The following PCNT variants were observed in gnomAD, a reference collection of about 807,000 sequenced individuals.
PCNT encodes pericentrin.
PCNT carries 319 observed loss-of-function variants against 380.4 expected under a neutral mutation model. That is an observed-to-expected ratio of 0.84 (90% CI 0.77 to 0.92). The LOEUF is 0.92. Ranked by LOEUF, PCNT falls within the 40% of genes least tolerant of loss-of-function variation. The pLI is 0.00. For missense variants in PCNT, 4,400 were observed against 4,255.3 expected, an observed-to-expected ratio of 1.03 and a Z score of -0.95; for synonymous variants, 1,845 against 1,735.2, an observed-to-expected ratio of 1.06 and a Z score of -1.57.
In PCNT at chr21:46,351,503, G is replaced by A; in HGVS notation, c.1419G>A (p.Gln473=). Reference sequence around the variant, plus strand: ...AAGAGATCAGGCGCTTGTGGTCCCAGCTTGATTCTGCCAGGACCAGTAGAC... The same window carrying A: ...AAGAGATCAGGCGCTTGTGGTCCCAACTTGATTCTGCCAGGACCAGTAGAC... ...SQEEIRRLWS[Q]LDSARTSRQE... Residue 473 remains glutamine (Q), a synonymous_variant, in exon 9 of 47, where the codon CAG becomes CAA. Coordinates refer to ENST00000359568, the MANE Select transcript of PCNT (RefSeq NM_006031.6). 1.2e-6 allele frequency: 2 copies of A among 1,612,090 alleles called. No individual in the cohort carries two copies. The highest frequency in any genetic ancestry group is 8.5e-7 in the Non-Finnish European group (1 of 1,178,084).
At chr21:46,333,944 T>G (rs371322928) in intron 2 of PCNT, among the ~76,000 whole-genome samples, 1 of 149,184 alleles carries the variant, frequency 6.7e-6, no homozygotes, top group East Asian at 2.0e-4. Context: ...TGGTGGCTCA[T>G]GCCTGTAATC....
intron 14 of PCNT, 66 bp from the exon 15 acceptor site, chr21:46,366,513 ACTTGG>A: frequency 7.8e-7 from 1 of 1,287,666 alleles, no homozygotes; most frequent in Non-Finnish European, 1.1e-6. Context: ...TGGGAAACTG[ACTTGG>A]CTTTTGCAAG....
chr21:46,349,345 G>T (rs995096929), intron 7 of PCNT, among the ~76,000 whole-genome samples, 159 bp downstream of exon 7: 13 of 152,214 alleles, frequency 8.5e-5, no homozygotes, highest in Non-Finnish European at 1.8e-4. Flanking sequence ...GGCCGTCATG[G>T]GTCACAGGTC....
chr21:46,407,854 CTT>C (rs1349086553), intron 27 of PCNT, among the ~76,000 whole-genome samples: 1 of 152,122 alleles, frequency 6.6e-6, no homozygotes, highest in African/African-American at 2.4e-5. Context: ...ACTTTTCTCT[CTT>C]TATTTCTTTG....
intron 15 of PCNT, among the ~76,000 whole-genome samples, chr21:46,370,949 G>T (rs2085102479): frequency 6.6e-6 from 1 of 152,152 alleles, no homozygotes; most frequent in African/African-American, 2.4e-5. Flanking sequence ...GCAGGAGAGT[G>T]GTGTGAACCC....
At chr21:46,349,639 A>T in intron 7 of PCNT, 45 bp from the exon 8 acceptor site, 1 of 1,600,512 alleles carries the variant, frequency 6.2e-7, no homozygotes, top group Non-Finnish European at 8.6e-7. Context: ...GCTGTTGAGG[A>T]GAGTGATGTC....
chr21:46,427,593 G>A (rs765111894), intron 33 of PCNT, 29 bp from the exon 34 acceptor site: 1 of 1,613,662 alleles, frequency 6.2e-7, no homozygotes, highest in Non-Finnish European at 8.5e-7. Context: ...CATTTGTGAG[G>A]ACGCCACGTT....
Position 46,411,818 on chromosome 21 carries a change from G to A in PCNT, c.5745G>A (p.Ala1915=), listed in dbSNP as rs1401062294. The change falls in exon 28 of 47, where the codon GCG becomes GCA. Residue 1915 remains alanine (A), a synonymous_variant. Transcript: ENST00000359568. ...AGCAGCCCCTGGCAGCCGGGGCGGCGCCTCCCGAGCTGCAGTGGCTCCGAG... is the reference window on the plus strand; with the variant it reads ...AGCAGCCCCTGGCAGCCGGGGCGGCACCTCCCGAGCTGCAGTGGCTCCGAG... ...LEQQPLAAGA[A]PPELQWLRAQ... 12 of 1,576,350 alleles carry A rather than the reference G, an allele frequency of 7.6e-6. No homozygotes were observed. Among genetic ancestry groups the A allele is most frequent in the Admixed American group, 1.8e-5 (1 of 55,854 alleles).
intron 21 of PCNT, among the ~76,000 whole-genome samples, chr21:46,393,145 GC>G (rs1425348426): frequency 6.6e-6 from 1 of 152,138 alleles, no homozygotes; most frequent in Non-Finnish European, 1.5e-5. Context: ...AAGCCCTGTT[GC>G]CCCCGCACTC....
chr21:46,325,014 TGGCGCCG>T (rs1419757602), intron 1 of PCNT: 1 of 985,146 alleles, frequency 1.0e-6, no homozygotes, highest in Non-Finnish European at 1.2e-6. Flanking sequence ...CACGCGGCGC[TGGCGCCG>T]GGCGCCTTCA....
rs1226839856 is a variant in PCNT, at chr21:46,431,538, G to A, written c.8074G>A (p.Ala2692Thr). ...TGTGTTTGCTGTCTAGGAGCTGCGGGCGTCTTTGGAGACACAGCGTGCTCA... is the reference window on the plus strand; with the variant it reads ...TGTGTTTGCTGTCTAGGAGCTGCGGACGTCTTTGGAGACACAGCGTGCTCA... ...QSAKALEELRASLETQRAQSS... is the reference protein window; with the variant it reads ...QSAKALEELRTSLETQRAQSS... Residue 2692 changes from alanine (A) to threonine (T), a missense_variant, in exon 38 of 47, where the codon GCG (alanine) becomes ACG (threonine). Transcript: ENST00000359568. 2 of 1,614,012 alleles carry A rather than the reference G, an allele frequency of 1.2e-6. No individual in the cohort carries two copies. The highest frequency in any genetic ancestry group is 1.7e-6 in the Non-Finnish European group (2 of 1,179,948).
chr21:46,377,987 C>T (rs1331795714), intron 15 of PCNT, among the ~76,000 whole-genome samples: 2 of 152,128 alleles, frequency 1.3e-5, no homozygotes, highest in Non-Finnish European at 2.9e-5. Context: ...TCGGTGTCCG[C>T]GGCTTTCACT....
chr21:46,436,708 G>A (rs2053465935), intron 39 of PCNT, among the ~76,000 whole-genome samples: 1 of 152,104 alleles, frequency 6.6e-6, no homozygotes, highest in Admixed American at 6.5e-5. Flanking sequence ...ATTCATTCCA[G>A]AGGAAAGCCA....
intron 8 of PCNT, among the ~76,000 whole-genome samples, chr21:46,350,262 A>G (rs899541590): frequency 2.0e-5 from 3 of 152,238 alleles, no homozygotes; most frequent in Admixed American, 6.5e-5. Context: ...AGTCTCTGAG[A>G]CTGATTTAAT....
intron 39 of PCNT, 75 bp downstream of exon 39, chr21:46,436,223 G>C: frequency 6.4e-7 from 1 of 1,563,058 alleles, no homozygotes; most frequent in South Asian, 1.1e-5. Context: ...CCCGAGGGCT[G>C]GGGCGCGTCT....
Position 46,324,176 on chromosome 21 carries a change from TG to T in PCNT, c.-52del. 22 of 1,488,048 alleles carry T rather than the reference TG, an allele frequency of 1.5e-5. No homozygotes were observed. The South Asian group carries it at 2.4e-4, about 17-fold the overall frequency. The allele number at this position is 1,488,048 out of a possible 1,614,324, so 92.2% of individuals were successfully genotyped here. On this transcript the variant is annotated 5_prime_UTR_variant, in exon 1 of 47. Transcript: ENST00000359568. Reference sequence around the variant, plus strand: ...GAGGGAGTGTAAATAGAGCGAAGGCTGCTCTGTGTCAGCCCCGTCACCGCCG... The same window carrying T: ...GAGGGAGTGTAAATAGAGCGAAGGCTCTCTGTGTCAGCCCCGTCACCGCCG...
At chr21:46,405,725 G>C (rs576530088) in intron 27 of PCNT, among the ~76,000 whole-genome samples, 2 of 152,128 alleles carry the variant, frequency 1.3e-5, no homozygotes, top group Non-Finnish European at 2.9e-5. Flanking sequence ...AAAAACCATT[G>C]ATTACTTTTC....
chr21:46,385,720 A>G (rs550509683), intron 16 of PCNT, 112 bp from the exon 17 acceptor site: 16 of 1,197,652 alleles, frequency 1.3e-5, no homozygotes, highest in Non-Finnish European at 1.9e-5. Context: ...ACCAAGCTGA[A>G]AAGTCCTAAG....
At position 46,354,107 on chromosome 21, in the gene PCNT, C is replaced by T. The variant is rs368129038; in HGVS notation, c.1761+39C>T. 1.6e-5 allele frequency: 25 copies of T among 1,539,666 alleles called. No homozygotes were observed. The African/African-American group carries it at 3.4e-4, about 21-fold the overall frequency. ...CGCTGAGAAGTGGGGGAGTCCTGTG[C>T]TCTTGACCTTCCAGCCCTGCGTCTT... On this transcript the variant is annotated intron_variant, in intron 11 of 46. Transcript: ENST00000359568.
Sources: allele counts gnomAD v4.1 joint callset (sites outside exome capture counted in the v4.1 genomes callset), GRCh38; gene constraint gnomAD v4.1.1; transcripts MANE v1.5; gene names NCBI Gene and HGNC (gene_info 2026-07-23, HGNC 2026-07-21).